Variants in DLG2 observed in about 807,000 individuals in gnomAD.
DLG2 encodes disks large homolog 2.
Under a neutral mutation model 132.5 loss-of-function variants are expected in DLG2, and 45 were observed. That is an observed-to-expected ratio of 0.34 (90% CI 0.27 to 0.44). The LOEUF is 0.44. DLG2 is among the 20% of genes least tolerant of loss of function. The pLI, the probability that DLG2 is intolerant of heterozygous loss-of-function variation, is 1.00. For missense variants in DLG2, 1,045 were observed against 1,196.9 expected, an observed-to-expected ratio of 0.87 and a Z score of 1.87; for synonymous variants, 424 against 419.6, an observed-to-expected ratio of 1.01 and a Z score of -0.13.
chr11:84,059,311 T>C lies in DLG2; in HGVS notation c.919+4A>G, dbSNP rs1461750989. 1 of 1,611,244 alleles carries C rather than the reference T, an allele frequency of 6.2e-7. No individual in the cohort carries two copies. ...TGTCTGTGAGTCATTTATATTTTGATTACCTTTAGGGCCTTTGAACAGTTT... is the reference window on the plus strand; with the variant it reads ...TGTCTGTGAGTCATTTATATTTTGACTACCTTTAGGGCCTTTGAACAGTTT... On this transcript the variant is annotated splice_donor_region_variant and intron_variant, in intron 11 of 27. Transcript: ENST00000376104.
At chr11:84,528,670 T>A (rs1163476597) in intron 7 of DLG2, among the ~76,000 whole-genome samples, 6 of 152,200 alleles carry the variant, frequency 3.9e-5, no homozygotes, top group Non-Finnish European at 8.8e-5. Flanking sequence ...CCTTTTAGTG[T>A]TTGACCCAAG....
intron 19 of DLG2, among the ~76,000 whole-genome samples, chr11:83,567,582 G>T (rs1370500109): frequency 6.6e-6 from 1 of 152,220 alleles, no homozygotes; most frequent in East Asian, 1.9e-4. Context: ...GAGTCTAGTA[G>T]GAAAGAAAAT....
At chr11:84,852,708 A>G (rs1426247873) in intron 6 of DLG2, among the ~76,000 whole-genome samples, 2 of 152,040 alleles carry the variant, frequency 1.3e-5, no homozygotes, top group Admixed American at 6.6e-5. Context: ...GTTTATTGGG[A>G]CAAATCAACT....
At chr11:85,358,779 A>C (rs986783968) in intron 3 of DLG2, among the ~76,000 whole-genome samples, 1 of 152,198 alleles carries the variant, frequency 6.6e-6, no homozygotes, top group African/African-American at 2.4e-5. Flanking sequence ...ATAATTGCTT[A>C]TTGAATGTAC....
intron 6 of DLG2, among the ~76,000 whole-genome samples, chr11:85,006,684 G>A (rs2058691911): frequency 6.6e-6 from 1 of 151,824 alleles, no homozygotes; most frequent in African/African-American, 2.4e-5. Context: ...AACAGTTCCT[G>A]GCTTCACTGA....
chr11:84,759,602 T>G (rs2067330093), intron 6 of DLG2, among the ~76,000 whole-genome samples: 1 of 152,200 alleles, frequency 6.6e-6, no homozygotes, highest in African/African-American at 2.4e-5. Flanking sequence ...TTGAATGTAG[T>G]TATTGGGAAG....
intron 6 of DLG2, among the ~76,000 whole-genome samples, chr11:84,729,572 G>A (rs941955603): frequency 2.6e-5 from 4 of 152,162 alleles, no homozygotes; most frequent in African/African-American, 9.6e-5. Flanking sequence ...GGAGTGGAGA[G>A]TTCTGTTCAC....
At chr11:84,673,601 T>TAAAAAAAAAAAAAAAAAAAAAAAAAA (rs545722898) in intron 6 of DLG2, among the ~76,000 whole-genome samples, 1 of 120,348 alleles carries the variant, frequency 8.3e-6, no homozygotes, top group Admixed American at 8.6e-5. Context: ...CCCTAGAATC[T>TAAAAAAAAAAAAAAAAAAAAAAAAAA]AAAAAAAAAA....
intron 6 of DLG2, among the ~76,000 whole-genome samples, chr11:85,053,995 G>A (rs1037529841): frequency 4.6e-5 from 7 of 151,790 alleles, no homozygotes; most frequent in South Asian, 2.1e-4. Context: ...GGCCAGGCAC[G>A]GTGGCTCAGG....
intron 6 of DLG2, among the ~76,000 whole-genome samples, chr11:84,737,033 C>A (rs1184509824): frequency 6.7e-6 from 1 of 150,328 alleles, no homozygotes; most frequent in African/African-American, 2.4e-5. Context: ...TGAAGAAATT[C>A]CCTTCTATTT....
chr11:84,688,315 A>G (rs986954726), intron 6 of DLG2, among the ~76,000 whole-genome samples: 1 of 152,168 alleles, frequency 6.6e-6, no homozygotes, highest in Admixed American at 6.5e-5. Flanking sequence ...TCTTACAGCC[A>G]AAGTATATAT....
intron 6 of DLG2, among the ~76,000 whole-genome samples, chr11:84,684,860 T>C (rs2099736667): frequency 6.6e-6 from 1 of 152,242 alleles, no homozygotes; most frequent in Non-Finnish European, 1.5e-5. Flanking sequence ...GTAATTATAA[T>C]GTGTTCCCAG....
In DLG2 at chr11:84,644,705, C is replaced by CAA. The variant is rs61451048; in HGVS notation, c.358-109976_358-109975dup. ...TGGGCAACAGAACGAGACTCCATTT[C>CAA]AAAAAAAAAAAAAAAAGATGTCTTA... is the stretch of plus-strand genomic sequence containing the variant. On this transcript the variant is annotated intron_variant, in intron 6 of 27. Transcript: ENST00000376104. 2.5e-3 allele frequency among the ~76,000 whole-genome samples: 298 copies of CAA among 119,374 alleles called. 3 individuals carry two copies. The highest frequency in any genetic ancestry group is 9.8e-3 in the Middle Eastern group (2 of 204). The allele number at this position is 119,374 out of a possible 152,430, so 78.3% of individuals were successfully genotyped here.
At chr11:83,948,121 C>T (rs2084521997) in intron 14 of DLG2, among the ~76,000 whole-genome samples, 1 of 152,188 alleles carries the variant, frequency 6.6e-6, no homozygotes, top group Non-Finnish European at 1.5e-5. Context: ...TTGCCTTCAT[C>T]TCTTATCTCA....
At chr11:85,442,254 G>C (rs912236079) in intron 3 of DLG2, among the ~76,000 whole-genome samples, 1 of 152,192 alleles carries the variant, frequency 6.6e-6, no homozygotes, top group African/African-American at 2.4e-5. Context: ...GACTGCTGTG[G>C]TAAAAATGGA....
chr11:83,552,919 G>A (rs560223464), intron 19 of DLG2, among the ~76,000 whole-genome samples: 1 of 152,294 alleles, frequency 6.6e-6, no homozygotes, highest in South Asian at 2.1e-4. Flanking sequence ...ATCAAGAGAA[G>A]GCTATTTCTT....
At chr11:85,455,415 G>A (rs1008777658) in intron 3 of DLG2, among the ~76,000 whole-genome samples, 1 of 152,154 alleles carries the variant, frequency 6.6e-6, no homozygotes, top group Admixed American at 6.6e-5. Flanking sequence ...AGATCAAGAA[G>A]CTTTTAGGCA....
chr11:83,883,627 G>T (rs1595893487), intron 15 of DLG2, among the ~76,000 whole-genome samples: 1 of 152,122 alleles, frequency 6.6e-6, no homozygotes, highest in African/African-American at 2.4e-5. Context: ...ATTATGACTG[G>T]CCTCAAAGCC....
chr11:83,910,099 A>G (rs1220227761), intron 15 of DLG2, among the ~76,000 whole-genome samples: 1 of 152,188 alleles, frequency 6.6e-6, no homozygotes, highest in Admixed American at 6.5e-5. Context: ...AACCCAGCAG[A>G]GTAAATCAAC....
Sources: gnomAD v4.1 joint callset for allele counts (sites outside exome capture counted in the v4.1 genomes callset) on GRCh38, gnomAD v4.1.1 for gene constraint, MANE v1.5 for transcripts, NCBI Gene and HGNC (gene_info 2026-07-23, HGNC 2026-07-21) for gene names.